SH3KBP1: variants seen among roughly 807,000 people sequenced by gnomAD.
SH3KBP1 encodes the protein SH3 domain-containing kinase-binding protein 1.
SH3KBP1 carries 8 observed loss-of-function variants against 50.1 expected under a neutral mutation model. That is an observed-to-expected ratio of 0.16 (90% CI 0.09 to 0.29). SH3KBP1 has a LOEUF of 0.29. Ranked by LOEUF, SH3KBP1 falls within the 10% of genes least tolerant of loss-of-function variation. The probability of loss-of-function intolerance (pLI) is 1.00; values close to 1 mark genes in which losing one functional copy is unlikely to be tolerated. For missense variants in SH3KBP1, 377 were observed against 535.2 expected (o/e 0.70, Z 2.92); for synonymous variants, 227 against 218.6 (o/e 1.04, Z -0.34).
intron 2 of SH3KBP1, among the ~76,000 whole-genome samples, chrX:19,818,966 C>A (rs142320415): frequency 1.8e-5 from 2 of 111,603 alleles, no homozygotes. Flanking sequence ...TCTATTTTCT[C>A]GAAAAGATTA....
At chrX:19,539,983 G>T (rs781293916) in intron 16 of SH3KBP1, among the ~76,000 whole-genome samples, 2 of 111,372 alleles carry the variant, frequency 1.8e-5, no homozygotes, top group South Asian at 7.7e-4. Context: ...GATGTTGCAG[G>T]CACCTCTCAT....
chrX:19,639,225 T>C (rs2061793494), intron 7 of SH3KBP1, among the ~76,000 whole-genome samples: 1 of 111,983 alleles, frequency 8.9e-6, no homozygotes, highest in Middle Eastern at 4.6e-3. Context: ...ATGAAGAAGC[T>C]GACCATAACT....
chrX:19,813,896 CAAATT>C (rs1392645927), intron 2 of SH3KBP1, among the ~76,000 whole-genome samples: 1 of 112,110 alleles, frequency 8.9e-6, no homozygotes, highest in African/African-American at 3.2e-5. Flanking sequence ...TATTTGTTGA[CAAATT>C]AATATTTACC....
chrX:19,751,392 C>T (rs928646243), intron 2 of SH3KBP1, among the ~76,000 whole-genome samples: 1 of 111,327 alleles, frequency 9.0e-6, no homozygotes, highest in Non-Finnish European at 1.9e-5. Context: ...TGTTAAGAAC[C>T]TGGGTCCTAT....
chrX:19,695,430 C>T (rs896335773), intron 5 of SH3KBP1, among the ~76,000 whole-genome samples, 182 bp downstream of exon 5: 28 of 111,289 alleles, frequency 2.5e-4, no homozygotes, highest in Non-Finnish European at 4.7e-4. Flanking sequence ...TGTGTGGCTA[C>T]GGGTCACACC....
chrX:19,546,899 A>G (rs2065099140), intron 14 of SH3KBP1, among the ~76,000 whole-genome samples: 1 of 111,736 alleles, frequency 8.9e-6, no homozygotes, highest in Non-Finnish European at 1.9e-5. Flanking sequence ...CACGACCGTA[A>G]TCCCAACACG....
At chrX:19,874,151 GGCT>G (rs897431503) in intron 1 of SH3KBP1, among the ~76,000 whole-genome samples, 34 of 100,428 alleles carry the variant, frequency 3.4e-4, no homozygotes, top group Non-Finnish European at 1.6e-4. Context: ...ACCCATGGCT[GGCT>G]GTGGGATGGA....
chrX:19,728,126 G>A (rs946834234), intron 3 of SH3KBP1, among the ~76,000 whole-genome samples: 5 of 111,957 alleles, frequency 4.5e-5, no homozygotes, highest in Non-Finnish European at 7.5e-5. Flanking sequence ...GGCAGTTCAG[G>A]TTGAATATCC....
intron 8 of SH3KBP1, among the ~76,000 whole-genome samples, chrX:19,615,337 C>G (rs2067575838): frequency 8.9e-6 from 1 of 111,914 alleles, no homozygotes; most frequent in Non-Finnish European, 1.9e-5. Flanking sequence ...CCCCCAGGCT[C>G]CCCAGTCCCA....
At chrX:19,874,235 T>C (rs1347722361) in intron 1 of SH3KBP1, among the ~76,000 whole-genome samples, 4 of 97,663 alleles carry the variant, frequency 4.1e-5, no homozygotes, top group Admixed American at 2.3e-4. Context: ...GCAGCAATAC[T>C]GGGTTTGAAG....
intron 5 of SH3KBP1, among the ~76,000 whole-genome samples, chrX:19,685,655 A>G (rs1375906766): frequency 8.9e-6 from 1 of 111,846 alleles, no homozygotes. Context: ...GTTTTTGCAA[A>G]TATCCCTGCT....
At position 19,628,141 on chromosome X, in the gene SH3KBP1, T is replaced by C. The variant is rs995740367; in HGVS notation, c.897+3723A>G. ...CAAAATATTTATGGCATGTTTTCTTTCCAAATTCTTGCTAAAATCTCCTCC... is the reference window on the plus strand; with the variant it reads ...CAAAATATTTATGGCATGTTTTCTTCCCAAATTCTTGCTAAAATCTCCTCC... On this transcript the variant is annotated intron_variant, in intron 8 of 17. Coordinates refer to ENST00000397821, the MANE Select transcript of SH3KBP1 (RefSeq NM_031892.3). Among the ~76,000 whole-genome samples, 3 of 112,295 alleles carry C rather than the reference T, an allele frequency of 2.7e-5. No homozygotes were observed. In the Admixed American group the frequency reaches 2.8e-4, roughly 11 times the overall value.
chrX:19,600,540 T>G (rs1301828805), intron 9 of SH3KBP1, among the ~76,000 whole-genome samples: 1 of 111,942 alleles, frequency 8.9e-6, no homozygotes. Flanking sequence ...TAAAAAGACA[T>G]GAAGAGATCA....
At chrX:19,728,640 A>G (rs35160730) in intron 3 of SH3KBP1, among the ~76,000 whole-genome samples, 20,260 of 111,659 alleles carry the variant, frequency 0.18, 1,583 homozygotes, top group African/African-American at 0.28. Context: ...AGGAGCTAGA[A>G]TGGGCTGATG....
At chrX:19,772,680 TCCCATGGAG>T (rs2065825765) in intron 2 of SH3KBP1, among the ~76,000 whole-genome samples, 1 of 111,248 alleles carries the variant, frequency 9.0e-6, no homozygotes, top group African/African-American at 3.3e-5. Flanking sequence ...TCTAGGAATA[TCCCATGGAG>T]ATGGGCGAGG....
intron 6 of SH3KBP1, among the ~76,000 whole-genome samples, chrX:19,649,529 C>G: frequency 9.0e-6 from 1 of 111,707 alleles, no homozygotes; most frequent in Admixed American, 9.5e-5. Flanking sequence ...CAACTTTTGT[C>G]TTTCTTGCCA....
intron 1 of SH3KBP1, among the ~76,000 whole-genome samples, chrX:19,856,074 G>A (rs1394450443): frequency 2.4e-4 from 27 of 110,447 alleles, no homozygotes; most frequent in African/African-American, 8.9e-4. Context: ...CGCATCATGG[G>A]AGCATGGGGA....
intron 1 of SH3KBP1, among the ~76,000 whole-genome samples, chrX:19,883,269 T>A (rs2069493378): frequency 3.6e-5 from 4 of 112,652 alleles, no homozygotes. Flanking sequence ...GGGGCCACCC[T>A]CTGAGAAGCG....
chrX:19,738,959 C>T (rs1006585073), intron 3 of SH3KBP1, among the ~76,000 whole-genome samples: 3 of 95,342 alleles, frequency 3.1e-5, no homozygotes, highest in African/African-American at 1.2e-4. Context: ...TGCAGTGAGC[C>T]GAGATCATGC....
Sources: gnomAD v4.1 joint callset for allele counts (sites outside exome capture counted in the v4.1 genomes callset) on GRCh38, gnomAD v4.1.1 for gene constraint, MANE v1.5 for transcripts, NCBI Gene and HGNC (gene_info 2026-07-23, HGNC 2026-07-21) for gene names.